Variants in ITPR1 observed in about 807,000 individuals in gnomAD.
ITPR1 encodes inositol 1,4,5-trisphosphate receptor type 1, also known as inositol 1,4,5-trisphosphate-gated calcium channel ITPR1.
A neutral mutation model predicts 318.4 loss-of-function variants in ITPR1; 96 were observed. The ratio of observed to expected loss-of-function variants is 0.30; its 90% CI spans 0.26 to 0.36. ITPR1 has a LOEUF of 0.36. Ranked by LOEUF, ITPR1 falls within the 10% of genes least tolerant of loss-of-function variation. The probability of loss-of-function intolerance (pLI) is 1.00; values close to 1 mark genes in which losing one functional copy is unlikely to be tolerated. For synonymous variants in ITPR1, 1,312 were observed against 1,289.9 expected (o/e 1.02, Z -0.37); for missense variants, 2,440 against 3,460.2 (o/e 0.71, Z 7.40).
At chr3:4,729,248 C>T (rs762244517) in intron 42 of ITPR1, among the ~76,000 whole-genome samples, 1 of 152,164 alleles carries the variant, frequency 6.6e-6, no homozygotes, top group Non-Finnish European at 1.5e-5. Context: ...GTTTCTTCTG[C>T]TGTAAAATGG....
At chr3:4,541,916 G>A (rs554073252) in intron 4 of ITPR1, among the ~76,000 whole-genome samples, 6 of 152,242 alleles carry the variant, frequency 3.9e-5, no homozygotes, top group African/African-American at 1.2e-4. Flanking sequence ...GAGCCACTGC[G>A]CCCAGCCGCT....
intron 36 of ITPR1, among the ~76,000 whole-genome samples, chr3:4,704,479 A>C (rs1262039339): frequency 2.0e-5 from 3 of 152,086 alleles, no homozygotes; most frequent in Non-Finnish European, 2.9e-5. Context: ...GTTCGATCAT[A>C]CCCTAAACCT....
At chr3:4,655,840 G>T (rs186582066) in intron 12 of ITPR1, among the ~76,000 whole-genome samples, 54 of 152,270 alleles carry the variant, frequency 3.5e-4, no homozygotes, top group African/African-American at 1.3e-3. Context: ...CATGGAGAGG[G>T]GATCTTACCC....
chr3:4,766,249 C>A (rs1428815948), intron 44 of ITPR1, among the ~76,000 whole-genome samples: 2 of 152,170 alleles, frequency 1.3e-5, no homozygotes, highest in Admixed American at 6.5e-5. Context: ...GGGAATTGTT[C>A]TTAGTTGGCA....
chr3:4,625,453 G>T (rs2092791942), intron 4 of ITPR1, among the ~76,000 whole-genome samples: 2 of 152,298 alleles, frequency 1.3e-5, no homozygotes, highest in Admixed American at 1.3e-4. Flanking sequence ...TAATGAATAG[G>T]TAAGAATAAA....
chr3:4,715,590 T>C (rs2041707524), intron 39 of ITPR1, among the ~76,000 whole-genome samples: 1 of 152,306 alleles, frequency 6.6e-6, no homozygotes, highest in South Asian at 2.1e-4. Flanking sequence ...TGGTGGCTCA[T>C]GCCTGTAATC....
chr3:4,727,728 C>T (rs967022580), intron 42 of ITPR1, among the ~76,000 whole-genome samples: 3 of 152,090 alleles, frequency 2.0e-5, no homozygotes, highest in African/African-American at 4.8e-5. Context: ...GCACCACACC[C>T]GGCTAGTTTT....
rs569279705 is a variant in ITPR1, at chr3:4,838,941, C to T, written c.8190+2006C>T. On this transcript the variant is annotated intron_variant, in intron 61 of 61. Transcript: ENST00000649015. ...AGAATCTGTTATTTTGAATTGTTCA[C>T]GAAGAGTGATTCTGACTCTGCTTCA... is the stretch of plus-strand genomic sequence containing the variant. 9.2e-5 allele frequency among the ~76,000 whole-genome samples: 14 copies of T among 152,332 alleles called. No homozygotes were observed. In the South Asian group the frequency reaches 1.4e-3, roughly 16 times the overall value.
intron 44 of ITPR1, among the ~76,000 whole-genome samples, chr3:4,762,157 G>C (rs1238393922): frequency 6.6e-6 from 1 of 152,104 alleles, no homozygotes; most frequent in African/African-American, 2.4e-5. Context: ...CTTTCTTCGG[G>C]GGTACCTTTT....
At chr3:4,512,414 C>T (rs2081904520) in intron 2 of ITPR1, among the ~76,000 whole-genome samples, 1 of 152,156 alleles carries the variant, frequency 6.6e-6, no homozygotes, top group Non-Finnish European at 1.5e-5. Context: ...AACTTTTATT[C>T]CATGATTCTG....
chr3:4,845,790 T>TACTA (rs1192674203), intron 61 of ITPR1, among the ~76,000 whole-genome samples: 1 of 152,244 alleles, frequency 6.6e-6, no homozygotes, highest in African/African-American at 2.4e-5. Flanking sequence ...GGCGTGTTGT[T>TACTA]ACTATCGTAC....
chr3:4,650,914 G>A (rs1213803583), intron 10 of ITPR1, among the ~76,000 whole-genome samples: 1 of 152,142 alleles, frequency 6.6e-6, no homozygotes, highest in African/African-American at 2.4e-5. Context: ...TGTGGAGTCT[G>A]TTGTTCTTTA....
intron 12 of ITPR1, among the ~76,000 whole-genome samples, chr3:4,656,918 G>C (rs145651374): frequency 6.6e-6 from 1 of 152,382 alleles, no homozygotes; most frequent in African/African-American, 2.4e-5. Context: ...GAGCTGGCCA[G>C]TCTCTTCTGA....
chr3:4,614,606 G>A (rs1269075275), intron 4 of ITPR1, among the ~76,000 whole-genome samples: 3 of 152,226 alleles, frequency 2.0e-5, no homozygotes, highest in African/African-American at 7.2e-5. Context: ...TTTCAACCCA[G>A]TCCGTCAGGT....
At chr3:4,751,204 G>A (rs955643604) in intron 44 of ITPR1, 8 of 152,512 alleles carry the variant, frequency 5.2e-5, no homozygotes, top group Non-Finnish European at 1.0e-4. Flanking sequence ...CAAGAGAATG[G>A]GTTTACCCCA....
intron 47 of ITPR1, among the ~76,000 whole-genome samples, 167 bp downstream of exon 47, chr3:4,775,609 C>T (rs1559875436): frequency 6.6e-6 from 1 of 152,200 alleles, no homozygotes. Flanking sequence ...TTTCATGATA[C>T]TTCAGAACCT....
chr3:4,624,405 A>G (rs1035158212), intron 4 of ITPR1, among the ~76,000 whole-genome samples: 7 of 152,202 alleles, frequency 4.6e-5, no homozygotes, highest in Non-Finnish European at 7.3e-5. Context: ...GCAGTGTCTC[A>G]CGCCTGTAAT....
chr3:4,802,826 A>T (rs913440615), intron 54 of ITPR1, among the ~76,000 whole-genome samples: 4 of 145,898 alleles, frequency 2.7e-5, no homozygotes, highest in African/African-American at 5.0e-5. Context: ...GAGACTGATT[A>T]AAAAAAAAAA....
intron 2 of ITPR1, among the ~76,000 whole-genome samples, chr3:4,497,297 T>A (rs1474904893): frequency 1.3e-5 from 2 of 150,700 alleles, no homozygotes; most frequent in Non-Finnish European, 2.9e-5. Context: ...CATGGTGTGG[T>A]AAATCTATTT....
Sources: gnomAD v4.1 joint callset for allele counts (sites outside exome capture counted in the v4.1 genomes callset) on GRCh38, gnomAD v4.1.1 for gene constraint, MANE v1.5 for transcripts, NCBI Gene and HGNC (gene_info 2026-07-23, HGNC 2026-07-21) for gene names.